Variants in TNRC18 observed in about 807,000 individuals in gnomAD.
TNRC18 encodes the protein trinucleotide repeat containing 18, also known as trinucleotide repeat-containing gene 18 protein.
In TNRC18, 69 loss-of-function variants were observed where a neutral mutation model predicts 226.7. The ratio of observed to expected loss-of-function variants is 0.30; its 90% CI spans 0.25 to 0.37. The LOEUF is 0.37. TNRC18 is among the 10% of genes least tolerant of loss of function. The pLI is 1.00. For missense variants in TNRC18, 4,754 were observed against 4,256.6 expected, an observed-to-expected ratio of 1.12 and a Z score of -3.25; for synonymous variants, 2,449 against 1,927.6, an observed-to-expected ratio of 1.27 and a Z score of -7.09.
chr7:5,412,084 G>A (rs761939464), intron 2 of TNRC18, among the ~76,000 whole-genome samples: 2 of 151,980 alleles, frequency 1.3e-5, no homozygotes. Context: ...CTACTTAGGA[G>A]GCACTGAAGT....
At chr7:5,401,086 G>A (rs1404274045) in intron 2 of TNRC18, among the ~76,000 whole-genome samples, 2 of 152,030 alleles carry the variant, frequency 1.3e-5, no homozygotes, top group Non-Finnish European at 2.9e-5. Flanking sequence ...GCTCACGCCT[G>A]TAATCCCAAT....
chr7:5,351,828 A>T lies in TNRC18; in HGVS notation c.5461T>A (p.Phe1821Ile). Reference sequence around the variant, plus strand: ...GTTTGGAGCTAGTAACCTTGGTCAAACGATTCCTCCGAAGAGTCGCTGAAG... The same window carrying T: ...GTTTGGAGCTAGTAACCTTGGTCAATCGATTCCTCCGAAGAGTCGCTGAAG... Reference protein sequence around the residue: ...SSFSDSSEESFDQDESSEEED... With the variant: ...SSFSDSSEESIDQDESSEEED... Residue 1821 changes from phenylalanine (F) to isoleucine (I), a missense_variant, in exon 17 of 30, where the codon TTT becomes ATT. Transcript: ENST00000430969. The T allele has an allele frequency of 1.9e-6, 3 of 1,586,252 alleles. No individual in the cohort carries two copies. Among genetic ancestry groups the T allele is most frequent in the Non-Finnish European group, 2.6e-6 (3 of 1,167,348 alleles).
rs753861831 is a variant in TNRC18, at chr7:5,313,004, TGAGGAGGAG to T, written c.7878_7886del (p.Ser2669_Ser2671del). ...AAGAGGAGGAGGAGGAAGAGGAGGA[TGAGGAGGAG>T]GAGGAGGAGGAGGAGGAGGATGAGG... On this transcript the variant is annotated inframe_deletion, in exon 27 of 30. Transcript: ENST00000430969. The T allele has an allele frequency of 7.2e-4, 537 of 749,688 alleles. 4 individuals carry two copies. The African/African-American group carries it at 8.2e-3, about 11-fold the overall frequency. The allele number at this position is 749,688 out of a possible 1,614,324, so 46.4% of individuals were successfully genotyped here. A position where few individuals can be genotyped will look rare whatever the true frequency, so the allele number is the denominator to read the frequency against.
chr7:5,373,397 C>G (rs1014343567), intron 10 of TNRC18, among the ~76,000 whole-genome samples: 124 of 152,242 alleles, frequency 8.1e-4, no homozygotes, highest in African/African-American at 2.9e-3. Context: ...GGGCTGTGTG[C>G]CCCTGATTCT....
intron 2 of TNRC18, chr7:5,420,594 C>A (rs1175788262): frequency 2.2e-6 from 1 of 454,836 alleles, no homozygotes; most frequent in Non-Finnish European, 4.4e-6. Flanking sequence ...TGCCAGGGAC[C>A]CGGCTCGGCG....
intron 5 of TNRC18, among the ~76,000 whole-genome samples, chr7:5,379,932 C>G (rs530372208): frequency 8.5e-4 from 129 of 152,314 alleles, no homozygotes; most frequent in Middle Eastern, 3.4e-3. Context: ...TCAGCCACCC[C>G]CAAGGGCCCA....
Position 5,332,873 on chromosome 7 carries a change from C to A in TNRC18, c.5896G>T (p.Glu1966Ter). Residue 1966 changes from glutamate (E) to a stop codon, truncating the protein, a stop_gained, in exon 19 of 30, where the codon GAG becomes TAG. Transcript: ENST00000430969. LOFTEE classifies it high-confidence loss of function. ...AGCTTCCGGGCCTTGCGCCCCTTCT[C>A]CACCGCCAGCTTGGCCTTGTCTGGG... is the stretch of plus-strand genomic sequence containing the variant. ...SSPDKAKLAV[E>*]KGRKARKLRG... The A allele has an allele frequency of 6.6e-7, 1 of 1,516,148 alleles. No individual in the cohort carries two copies. Among genetic ancestry groups the A allele is most frequent in the Non-Finnish European group, 8.8e-7 (1 of 1,140,950 alleles). The allele number at this position is 1,516,148 out of a possible 1,614,324, so 93.9% of individuals were successfully genotyped here. A position where few individuals can be genotyped will look rare whatever the true frequency, so the allele number is the denominator to read the frequency against.
chr7:5,332,256 G>A (rs1789598425), intron 19 of TNRC18, among the ~76,000 whole-genome samples: 1 of 152,132 alleles, frequency 6.6e-6, no homozygotes, highest in Non-Finnish European at 1.5e-5. Context: ...GGGCAACATA[G>A]CGAGATCCCC....
chr7:5,397,235 G>A lies in TNRC18; in HGVS notation c.188-2640C>T, dbSNP rs770227456. On this transcript the variant is annotated intron_variant, in intron 2 of 29. Coordinates refer to ENST00000430969, the MANE Select transcript of TNRC18 (RefSeq NM_001080495.3). ...AAGCCCTGCTGAGCCCCGGGCTTCC[G>A]CCTTGCTGTGGCAGGCGGGTGGGTA... is the stretch of plus-strand genomic sequence containing the variant. Among the ~76,000 whole-genome samples the A allele has an allele frequency of 3.9e-5, 6 of 152,340 alleles. No homozygotes were observed. The East Asian group carries it at 5.8e-4, about 15-fold the overall frequency.
At position 5,394,624 on chromosome 7, in the gene TNRC18, G is replaced by A; in HGVS notation, c.188-29C>T. ...CAGAGAGAAGTTGGGAGGACCGTCA[G>A]GCAGACAACCAGGGAGGCGCCGCCG... On this transcript the variant is annotated intron_variant, in intron 2 of 29. Transcript: ENST00000430969. This position sits in a 1 kb window ranked among gnomAD's most constrained non-coding sequence, Gnocchi z 4.5. The A allele has an allele frequency of 1.3e-6, 2 of 1,527,386 alleles. No individual in the cohort carries two copies. The highest frequency in any genetic ancestry group is 2.5e-5 in the East Asian group (1 of 39,346). 94.6% of individuals were successfully genotyped at this position (1,527,386 alleles called of 1,614,324 possible).
rs1436961901 is a variant in TNRC18, at chr7:5,377,188, G to C, written c.2461+183C>G. Among the ~76,000 whole-genome samples the C allele has an allele frequency of 6.6e-6, 1 of 152,226 alleles. No homozygotes were observed. Among genetic ancestry groups the C allele is most frequent in the African/African-American group, 2.4e-5 (1 of 41,454 alleles). On this transcript the variant is annotated intron_variant, in intron 7 of 29. Transcript: ENST00000430969. This position sits in a 1 kb window ranked among gnomAD's most constrained non-coding sequence, Gnocchi z 5.8. The stretch of plus-strand genomic sequence containing the variant: ...CCGCATTGGGCATCTGCCCCAAACA[G>C]GCATGGCAGAGGGGCCCCACGAGGC...
Position 5,377,811 on chromosome 7 carries a change from C to G in TNRC18, c.2255+111G>C. The G allele has an allele frequency of 8.9e-7, 1 of 1,128,636 alleles. No homozygotes were observed. Among genetic ancestry groups the G allele is most frequent in the South Asian group, 1.4e-5 (1 of 70,022 alleles). 69.9% of individuals were successfully genotyped at this position (1,128,636 alleles called of 1,614,324 possible). On this transcript the variant is annotated intron_variant, in intron 6 of 29. Transcript: ENST00000430969. The surrounding 1 kb of genome is among the most constrained non-coding windows in gnomAD (Gnocchi z 5.8). ...CCAGAGTGACTCCCGCTCTCAGTAC[C>G]ATAGCATCCATGGTCGAGGGGCCAA...
chr7:5,363,168 T>A (rs746271100), intron 11 of TNRC18, among the ~76,000 whole-genome samples: 2 of 152,032 alleles, frequency 1.3e-5, no homozygotes, highest in Non-Finnish European at 2.9e-5. Flanking sequence ...CCGGGTGTAG[T>A]GGCACACGCC....
intron 19 of TNRC18, among the ~76,000 whole-genome samples, chr7:5,326,919 T>C (rs1358438681): frequency 3.3e-5 from 5 of 150,330 alleles, no homozygotes; most frequent in Non-Finnish European, 7.4e-5. Flanking sequence ...GGTCAGGAGA[T>C]CGAGACCATC....
chr7:5,388,687 C>G lies in TNRC18; in HGVS notation c.1137G>C (p.Glu379Asp). ...VVAPTFVPSV[E>D]AFDERPGPIQ... is the part of the protein sequence containing the mutation. ...TGGGCCCCGGGCGCTCGTCGAAGGC[C>G]TCCACGGAAGGCACGAAGGTGGGCG... The change falls in exon 5 of 30, where the codon GAG becomes GAC. Residue 379 changes from glutamate (E) to aspartate (D), a missense_variant. Physicochemically the swap from Glu to Asp is conservative, Grantham distance 45. Coordinates refer to ENST00000430969, the MANE Select transcript of TNRC18 (RefSeq NM_001080495.3). The G allele has an allele frequency of 1.6e-6, 2 of 1,267,638 alleles. No individual in the cohort carries two copies. The highest frequency in any genetic ancestry group is 2.0e-6 in the Non-Finnish European group (2 of 1,004,170). The allele number at this position is 1,267,638 out of a possible 1,614,324, so 78.5% of individuals were successfully genotyped here. A position where few individuals can be genotyped will look rare whatever the true frequency, so the allele number is the denominator to read the frequency against.
At position 5,389,273 on chromosome 7, in the gene TNRC18, C is replaced by T. The variant is rs1333469332; in HGVS notation, c.551G>A (p.Arg184Gln). 5.4e-6 allele frequency: 7 copies of T among 1,299,560 alleles called. No individual in the cohort carries two copies. Among genetic ancestry groups the T allele is most frequent in the East Asian group, 3.1e-5 (1 of 32,250 alleles). The allele number at this position is 1,299,560 out of a possible 1,614,324, so 80.5% of individuals were successfully genotyped here. The change falls in exon 5 of 30, where the codon CGG becomes CAG. Residue 184 changes from arginine to glutamine, a missense_variant. By Grantham distance (43) the Arg-to-Gln change is conservative (BLOSUM62 1). Coordinates refer to ENST00000430969, the MANE Select transcript of TNRC18 (RefSeq NM_001080495.3). ...GSLHSHAPSA[R>Q]TPGGGHSSGA... ...CGAGGAGTGGCCGCCGCCAGGGGTC[C>T]GGGCCGAGGGCGCGTGAGAGTGCAG...
rs867275363 is a variant in TNRC18, at chr7:5,374,195, T to A, written c.3089A>T (p.His1030Leu). The change falls in exon 10 of 30, where the codon CAC (histidine) becomes CTC (leucine). Residue 1030 changes from histidine (H) to leucine (L), a missense_variant. His to Leu is a moderately conservative substitution (Grantham distance 99). Coordinates refer to ENST00000430969, the MANE Select transcript of TNRC18 (RefSeq NM_001080495.3). ...GGAGGCGGGCGGCGGGCTGGTGGGG[T>A]GGGAGCTGGGGGTGGCGGGGTAGGC... ...AYAYPATPSSHPTSPPPASPP... is the reference protein window; with the variant it reads ...AYAYPATPSSLPTSPPPASPP... 1 of 102,532 alleles carries A rather than the reference T, an allele frequency of 9.8e-6. No individual in the cohort carries two copies. Among genetic ancestry groups the A allele is most frequent in the South Asian group, 2.2e-4 (1 of 4,592 alleles). The allele number at this position is 102,532 out of a possible 1,614,324, so 6.4% of individuals were successfully genotyped here. A position where few individuals can be genotyped will look rare whatever the true frequency, so the allele number is the denominator to read the frequency against.
At chr7:5,405,511 G>A (rs1781404173) in intron 2 of TNRC18, among the ~76,000 whole-genome samples, 1 of 151,686 alleles carries the variant, frequency 6.6e-6, no homozygotes, top group Non-Finnish European at 1.5e-5. Context: ...GGAGGTTGCA[G>A]TGAGCCGAGA....
intron 15 of TNRC18, 34 bp from the exon 16 acceptor site, chr7:5,357,310 T>G: frequency 7.0e-6 from 11 of 1,580,850 alleles, no homozygotes; most frequent in Middle Eastern, 1.7e-4. Context: ...GGTTAAAAGA[T>G]CTGACAAAAC....
Sources: allele counts gnomAD v4.1 joint callset (sites outside exome capture counted in the v4.1 genomes callset), GRCh38; gene constraint gnomAD v4.1.1; non-coding constraint Gnocchi (gnomAD v3.1); transcripts MANE v1.5; gene names NCBI Gene and HGNC (gene_info 2026-07-23, HGNC 2026-07-21).